ZNF385D: variants seen among roughly 807,000 people sequenced by gnomAD.
ZNF385D encodes the protein zinc finger protein 659.
A neutral mutation model predicts 35.8 loss-of-function variants in ZNF385D; 15 were observed. The ratio of observed to expected loss-of-function variants is 0.42; its 90% CI spans 0.28 to 0.64. The LOEUF (loss-of-function observed/expected upper bound fraction) is 0.64. ZNF385D is among the 30% of genes least tolerant of loss of function. ZNF385D has a pLI of 0.23. For synonymous variants in ZNF385D, 212 were observed against 186.8 expected (o/e 1.13, Z -1.10); for missense variants, 474 against 494.6 (o/e 0.96, Z 0.39).
intron 2 of ZNF385D, among the ~76,000 whole-genome samples, chr3:22,264,618 A>C (rs1200357399): frequency 1.3e-5 from 2 of 151,974 alleles, no homozygotes; most frequent in East Asian, 3.9e-4. Context: ...ATATGCGGTG[A>C]AATATTAATA....
intron 3 of ZNF385D, among the ~76,000 whole-genome samples, chr3:22,094,385 G>GAGAT (rs1491256865): frequency 0.062 from 4,355 of 70,730 alleles, 323 homozygotes; most frequent in African/African-American, 0.16. Flanking sequence ...ATTTATTGTT[G>GAGAT]ATATATATAT....
At chr3:21,719,454 G>A (rs79003092) in intron 1 of ZNF385D, among the ~76,000 whole-genome samples, 3 of 152,038 alleles carry the variant, frequency 2.0e-5, no homozygotes, top group Non-Finnish European at 4.4e-5. Context: ...TCAAGCAAAG[G>A]TATCTCCAGT....
chr3:22,208,014 G>A (rs1304701219), intron 2 of ZNF385D, among the ~76,000 whole-genome samples: 4 of 151,934 alleles, frequency 2.6e-5, no homozygotes, highest in African/African-American at 4.8e-5. Flanking sequence ...ATGAAGAAGA[G>A]TTTAAAGGTT....
At chr3:21,831,200 G>A (rs1440918791) in intron 3 of ZNF385D, among the ~76,000 whole-genome samples, 1 of 151,958 alleles carries the variant, frequency 6.6e-6, no homozygotes, top group East Asian at 1.9e-4. Flanking sequence ...TACCTGGAAC[G>A]TCCTTTTTCT....
At chr3:21,955,494 G>A (rs1406418375) in intron 3 of ZNF385D, among the ~76,000 whole-genome samples, 2 of 152,032 alleles carry the variant, frequency 1.3e-5, no homozygotes, top group African/African-American at 4.8e-5. Context: ...AGCTTCTGAT[G>A]CATCTTAAGA....
At chr3:22,082,646 C>A (rs772063568) in intron 3 of ZNF385D, among the ~76,000 whole-genome samples, 4 of 152,194 alleles carry the variant, frequency 2.6e-5, no homozygotes, top group Non-Finnish European at 5.9e-5. Context: ...CAAAAGGCAG[C>A]AGAAACGTCT....
chr3:21,628,428 G>T (rs2125829178), intron 2 of ZNF385D, among the ~76,000 whole-genome samples: 1 of 151,992 alleles, frequency 6.6e-6, no homozygotes, highest in East Asian at 1.9e-4. Context: ...GTTACCTTAG[G>T]CAAGTCATTT....
At chr3:22,030,285 A>ATATATATATATATATATGTATG (rs1697896166) in intron 3 of ZNF385D, among the ~76,000 whole-genome samples, 6 of 86,722 alleles carry the variant, frequency 6.9e-5, no homozygotes, top group African/African-American at 2.9e-4. Context: ...ATATATATAT[A>ATATATATATATATATATGTATG]TATATATATA....
intron 3 of ZNF385D, among the ~76,000 whole-genome samples, chr3:21,954,782 C>A (rs928642895): frequency 6.6e-6 from 1 of 152,114 alleles, no homozygotes; most frequent in Non-Finnish European, 1.5e-5. Context: ...TAATGTTAGA[C>A]ATCCCCACCC....
chr3:21,621,875 G>GTGTGTA (rs1314248894), intron 2 of ZNF385D, among the ~76,000 whole-genome samples: 8 of 151,718 alleles, frequency 5.3e-5, no homozygotes, highest in African/African-American at 1.9e-4. Context: ...CTGTGTGTGT[G>GTGTGTA]TGTGTGTGTG....
At chr3:22,331,339 C>T (rs1297958028) in intron 2 of ZNF385D, among the ~76,000 whole-genome samples, 2 of 152,064 alleles carry the variant, frequency 1.3e-5, no homozygotes, top group African/African-American at 4.8e-5. Flanking sequence ...AACTTAAAAA[C>T]ATCTTTATAG....
chr3:22,066,209 CAGAAA>C (rs1318650160), intron 3 of ZNF385D, among the ~76,000 whole-genome samples: 4 of 151,374 alleles, frequency 2.6e-5, no homozygotes, highest in South Asian at 2.1e-4. Context: ...AAGTTATGCT[CAGAAA>C]AGAAAAGAGA....
At chr3:22,061,969 C>T (rs1699709912) in intron 3 of ZNF385D, among the ~76,000 whole-genome samples, 1 of 152,178 alleles carries the variant, frequency 6.6e-6, no homozygotes, top group Non-Finnish European at 1.5e-5. Flanking sequence ...ACCATGCATT[C>T]AATAAGTATT....
chr3:22,344,543 C>T (rs893782164), intron 2 of ZNF385D, among the ~76,000 whole-genome samples: 1 of 151,910 alleles, frequency 6.6e-6, no homozygotes, highest in Non-Finnish European at 1.5e-5. Flanking sequence ...TTGCATACCA[C>T]CATGCCTGCC....
At chr3:21,871,289 G>A (rs529451452) in intron 3 of ZNF385D, among the ~76,000 whole-genome samples, 2 of 152,214 alleles carry the variant, frequency 1.3e-5, no homozygotes, top group African/African-American at 4.8e-5. Context: ...TCAAAATGAT[G>A]ATCTTTAACC....
At chr3:21,758,840 C>T (rs1575600187) in intron 3 of ZNF385D, among the ~76,000 whole-genome samples, 3 of 151,904 alleles carry the variant, frequency 2.0e-5, no homozygotes, top group East Asian at 3.9e-4. Context: ...TGGCCTCTCA[C>T]TTTAAATGTA....
Position 22,218,811 on chromosome 3 carries a change from T to C in ZNF385D, c.107-49776A>G, listed in dbSNP as rs149294778. 1.5e-3 allele frequency among the ~76,000 whole-genome samples: 234 copies of C among 152,270 alleles called. 1 individual carries two copies. The highest frequency in any genetic ancestry group is 5.2e-3 in the African/African-American group (218 of 41,560). ...CTTCAAGAAGATTTTTTAATGTATA[T>C]ATTTTGTCCAGTTTTTCTATTTGTC... On this transcript the variant is annotated intron_variant, in intron 2 of 5. Coordinates refer to the ZNF385D transcript ENST00000494108.
At chr3:21,881,318 G>A (rs1698265532) in intron 3 of ZNF385D, among the ~76,000 whole-genome samples, 1 of 151,968 alleles carries the variant, frequency 6.6e-6, no homozygotes. Context: ...GCGACTTTAA[G>A]TTGAAGCCAG....
At chr3:22,172,175 A>G (rs1694499675) in intron 2 of ZNF385D, among the ~76,000 whole-genome samples, 1 of 152,206 alleles carries the variant, frequency 6.6e-6, no homozygotes, top group African/African-American at 2.4e-5. Flanking sequence ...CACTGGAAAG[A>G]TGTCTGGCTT....
Sources: allele counts gnomAD v4.1 joint callset (sites outside exome capture counted in the v4.1 genomes callset), GRCh38; gene constraint gnomAD v4.1.1; transcripts MANE v1.5; gene names NCBI Gene and HGNC (gene_info 2026-07-23, HGNC 2026-07-21).